Variants in PDZK1 observed in about 807,000 individuals in gnomAD.
PDZK1 encodes the protein Na(+)/H(+) exchange regulatory cofactor NHE-RF3.
Under a neutral mutation model 38.1 loss-of-function variants are expected in PDZK1, and 23 were observed. That is an observed-to-expected ratio of 0.60 (90% CI 0.43 to 0.85). PDZK1 has a LOEUF of 0.85. PDZK1 is among the 40% of genes least tolerant of loss of function. The pLI, the probability that PDZK1 is intolerant of heterozygous loss-of-function variation, is 0.00. For synonymous variants in PDZK1, 98 were observed against 186.2 expected, an observed-to-expected ratio of 0.53 and a Z score of 3.86; for missense variants, 297 against 504.3, an observed-to-expected ratio of 0.59 and a Z score of 3.94.
intron 7 of PDZK1, among the ~76,000 whole-genome samples, 174 bp from the exon 8 acceptor site, chr1:145,673,194 T>G (rs1653268175): frequency 2.0e-5 from 3 of 152,184 alleles, no homozygotes; most frequent in Non-Finnish European, 4.4e-5. Flanking sequence ...TTATGAAGGC[T>G]ATAACTTCCA....
rs1224772093 is a variant in PDZK1, at chr1:145,671,496, A to G, written c.1507-7T>C. On this transcript the variant is annotated splice_region_variant and splice_polypyrimidine_tract_variant and intron_variant, in intron 8 of 8. Transcript: ENST00000417171. ...GTGAGGCTGTACTGTGGGCCTGTGT[A>G]TAAGAAAACAAAGAATTTACAAATG... The G allele has an allele frequency of 6.6e-7, 1 of 1,524,356 alleles. No homozygotes were observed. The highest frequency in any genetic ancestry group is 9.0e-7 in the Non-Finnish European group (1 of 1,106,062). 94.4% of individuals were successfully genotyped at this position (1,524,356 alleles called of 1,614,324 possible).
intron 1 of PDZK1, among the ~76,000 whole-genome samples, chr1:145,700,478 C>T (rs1655896541): frequency 6.6e-6 from 1 of 152,150 alleles, no homozygotes; most frequent in Admixed American, 6.5e-5. Context: ...TGAAGCATTA[C>T]CTTAGCTATA....
rs587642874 is a variant in PDZK1 at position 145,688,881 on chromosome 1, C to T, written c.-2-858G>A. 2.6e-5 allele frequency among the ~76,000 whole-genome samples: 4 copies of T among 152,118 alleles called. No homozygotes were observed. The South Asian group carries it at 8.3e-4, about 32-fold the overall frequency. ...GGCTGAGGCAGGATAATTGCTTTAA[C>T]CTGGGAGGTGGAGATTGCAGTGAGC... On this transcript the variant is annotated intron_variant, in intron 1 of 8. Transcript: ENST00000417171.
Position 145,678,543 on chromosome 1 carries a change from A to C in PDZK1, c.896T>G (p.Leu299Arg). Residue 299 changes from leucine (L) to arginine (R), a missense_variant, in exon 6 of 9, where the codon CTG (leucine) becomes CGG (arginine). Physicochemically the swap from Leu to Arg is moderately radical, Grantham distance 102. This residue lies in a region of PDZK1 where 35 missense variants were observed against 73.9 expected (regional missense o/e 0.47). Coordinates refer to ENST00000417171, the MANE Select transcript of PDZK1 (RefSeq NM_001201325.2). Reference sequence around the variant, plus strand: ...CATTTCTACCACACTGTCATGATCCAGGGTTTCCACAGACTCGCCGTTGAC... The same window carrying C: ...CATTTCTACCACACTGTCATGATCCCGGGTTTCCACAGACTCGCCGTTGAC... ...VAVNGESVET[L>R]DHDSVVEMIR... 2.1e-6 allele frequency: 1 copy of C among 486,336 alleles called. No individual in the cohort carries two copies. The highest frequency in any genetic ancestry group is 3.5e-6 in the Non-Finnish European group (1 of 284,912). The allele number at this position is 486,336 out of a possible 1,614,324, so 30.1% of individuals were successfully genotyped here. A position where few individuals can be genotyped will look rare whatever the true frequency, so the allele number is the denominator to read the frequency against.
At chr1:145,687,464 G>A (rs1654882110) in intron 2 of PDZK1, among the ~76,000 whole-genome samples, 1 of 142,878 alleles carries the variant, frequency 7.0e-6, no homozygotes, top group East Asian at 2.1e-4. Context: ...GGTAGAGCTT[G>A]CAGTGAACCG....
intron 1 of PDZK1, among the ~76,000 whole-genome samples, chr1:145,689,752 C>T (rs1344174949): frequency 2.0e-5 from 3 of 152,136 alleles, no homozygotes; most frequent in Admixed American, 6.5e-5. Flanking sequence ...GGGACAAGAA[C>T]GGATGACCAC....
At chr1:145,692,672 G>C (rs1260889966) in intron 1 of PDZK1, among the ~76,000 whole-genome samples, 1 of 150,118 alleles carries the variant, frequency 6.7e-6, no homozygotes, top group Non-Finnish European at 1.5e-5. Flanking sequence ...AATCGTGCCA[G>C]TGCACTCCAG....
At chr1:145,672,655 C>T (rs1653195663) in intron 8 of PDZK1, 75 bp downstream of exon 8, 2 of 1,558,672 alleles carry the variant, frequency 1.3e-6, no homozygotes, top group Non-Finnish European at 1.8e-6. Flanking sequence ...CAAACATAGA[C>T]ATTAAATATA....
chr1:145,689,509 A>T (rs1163109146), intron 1 of PDZK1, among the ~76,000 whole-genome samples: 1 of 152,172 alleles, frequency 6.6e-6, no homozygotes, highest in Non-Finnish European at 1.5e-5. Context: ...AGTTATTATT[A>T]AGGGTAAGAC....
At chr1:145,682,946 G>C (rs1553700697) in intron 3 of PDZK1, among the ~76,000 whole-genome samples, 1 of 152,092 alleles carries the variant, frequency 6.6e-6, no homozygotes, top group African/African-American at 2.4e-5. Flanking sequence ...TACATGTTTT[G>C]TGGCTGTCCA....
intron 1 of PDZK1, among the ~76,000 whole-genome samples, chr1:145,700,486 AT>A (rs1655897107): frequency 6.6e-6 from 1 of 152,200 alleles, no homozygotes; most frequent in South Asian, 2.1e-4. Flanking sequence ...TACCTTAGCT[AT>A]AGATACCTGG....
At chr1:145,685,438 A>T (rs1654665507) in intron 3 of PDZK1, among the ~76,000 whole-genome samples, 1 of 152,192 alleles carries the variant, frequency 6.6e-6, no homozygotes, top group African/African-American at 2.4e-5. Flanking sequence ...AGATGAGTAG[A>T]ATCTGAATTA....
At chr1:145,699,013 G>A (rs782774455) in intron 1 of PDZK1, among the ~76,000 whole-genome samples, 38 of 152,134 alleles carry the variant, frequency 2.5e-4, no homozygotes, top group African/African-American at 8.4e-4. Flanking sequence ...CGAGGCAGGC[G>A]GATCACCTGA....
chr1:145,674,766 C>T (rs1335021636), intron 6 of PDZK1, among the ~76,000 whole-genome samples: 1 of 152,146 alleles, frequency 6.6e-6, no homozygotes, highest in African/African-American at 2.4e-5. Flanking sequence ...TGGGGCTTCT[C>T]AGCCTCCATA....
Position 145,681,157 on chromosome 1 carries a change from G to C in PDZK1, c.598-50C>G, listed in dbSNP as rs1172019110. 317 of 423,412 alleles carry C rather than the reference G, an allele frequency of 7.5e-4. 2 individuals are homozygous for C. The highest frequency in any genetic ancestry group is 1.3e-4 in the Non-Finnish European group (31 of 240,324). The allele number at this position is 423,412 out of a possible 1,614,324, so 26.2% of individuals were successfully genotyped here. A position where few individuals can be genotyped will look rare whatever the true frequency, so the allele number is the denominator to read the frequency against. On this transcript the variant is annotated intron_variant, in intron 4 of 8. Transcript: ENST00000417171. ...AATGACATCAACCCCCAAGAACAAT[G>C]CTGGGGAATAAGAAAGTTTCTGTAT...
chr1:145,702,869 G>A (rs1466054854), intron 1 of PDZK1, among the ~76,000 whole-genome samples: 1 of 152,140 alleles, frequency 6.6e-6, no homozygotes, highest in African/African-American at 2.4e-5. Context: ...CCCCAGCCTG[G>A]GCAACAGAGC....
intron 1 of PDZK1, among the ~76,000 whole-genome samples, chr1:145,697,684 G>GCCT (rs1224558090): frequency 6.7e-6 from 1 of 149,942 alleles, no homozygotes; most frequent in Non-Finnish European, 1.5e-5. Flanking sequence ...TGCAACCTCT[G>GCCT]CCTCCCAGAT....
chr1:145,700,837 C>T (rs1553704865), intron 1 of PDZK1, among the ~76,000 whole-genome samples: 2 of 152,088 alleles, frequency 1.3e-5, no homozygotes, highest in African/African-American at 2.4e-5. Flanking sequence ...TATCACACCA[C>T]GAAGACAACA....
chr1:145,697,648 A>C (rs1301826804), intron 1 of PDZK1, among the ~76,000 whole-genome samples: 1 of 151,432 alleles, frequency 6.6e-6, no homozygotes, highest in Non-Finnish European at 1.5e-5. Context: ...CCCAGGCTGG[A>C]GTGCAGTGGT....
Sources: allele counts gnomAD v4.1 joint callset (sites outside exome capture counted in the v4.1 genomes callset), GRCh38; gene constraint gnomAD v4.1.1; regional missense constraint gnomAD v4.1.1; transcripts MANE v1.5; gene names NCBI Gene and HGNC (gene_info 2026-07-23, HGNC 2026-07-21).